Variants in KCNH8 observed in about 807,000 individuals in gnomAD.
The protein encoded by KCNH8 is voltage-gated delayed rectifier potassium channel KCNH8.
In KCNH8, 70 loss-of-function variants were observed where a neutral mutation model predicts 103.6. The observed-to-expected ratio is 0.68, with a 90% CI of 0.56 to 0.82. The LOEUF (loss-of-function observed/expected upper bound fraction) is 0.82. Ranked by LOEUF, KCNH8 falls within the 40% of genes least tolerant of loss-of-function variation. The pLI is 0.00. For missense variants in KCNH8, 1,217 were observed against 1,329.9 expected (o/e 0.92, Z 1.32); for synonymous variants, 498 against 489.4 (o/e 1.02, Z -0.23).
chr3:19,246,469 G>A (rs1175247857), intron 1 of KCNH8, among the ~76,000 whole-genome samples: 1 of 151,638 alleles, frequency 6.6e-6, no homozygotes, highest in South Asian at 2.1e-4. Flanking sequence ...TAGAGATGGG[G>A]TTTCACCATG....
intron 1 of KCNH8, among the ~76,000 whole-genome samples, chr3:19,251,130 C>G (rs2064270989): frequency 6.6e-6 from 1 of 152,084 alleles, no homozygotes; most frequent in Admixed American, 6.6e-5. Context: ...AGACTGAGAC[C>G]ACAACCCCAG....
intron 11 of KCNH8, among the ~76,000 whole-genome samples, chr3:19,505,604 C>T (rs2068676355): frequency 1.3e-5 from 2 of 152,078 alleles, no homozygotes; most frequent in Admixed American, 6.6e-5. Context: ...TTTTTTCTTA[C>T]ATTTCAACCT....
At chr3:19,325,266 A>G (rs1432950741) in intron 3 of KCNH8, among the ~76,000 whole-genome samples, 1 of 152,222 alleles carries the variant, frequency 6.6e-6, no homozygotes, top group African/African-American at 2.4e-5. Context: ...ATCCTAGGCA[A>G]TACCATTTAG....
At chr3:19,472,191 CATTCGTGT>C (rs1278483033) in intron 11 of KCNH8, among the ~76,000 whole-genome samples, 4 of 124,178 alleles carry the variant, frequency 3.2e-5, no homozygotes, top group East Asian at 4.8e-4. Context: ...TTAATCACTT[CATTCGTGT>C]GTGTGTGTGT....
chr3:19,351,948 G>C (rs962275092), intron 5 of KCNH8, among the ~76,000 whole-genome samples: 1 of 152,106 alleles, frequency 6.6e-6, no homozygotes, highest in Non-Finnish European at 1.5e-5. Flanking sequence ...TGGCAAATTG[G>C]ATAAAGAGTC....
intron 7 of KCNH8, among the ~76,000 whole-genome samples, chr3:19,415,287 C>T (rs1321225854): frequency 6.6e-6 from 1 of 151,710 alleles, no homozygotes; most frequent in Non-Finnish European, 1.5e-5. Flanking sequence ...TTCCCATTTA[C>T]AGGTAAGAAA....
At chr3:19,270,736 G>A (rs1165445495) in intron 2 of KCNH8, among the ~76,000 whole-genome samples, 1 of 152,150 alleles carries the variant, frequency 6.6e-6, no homozygotes, top group Non-Finnish European at 1.5e-5. Context: ...CACAATGGAA[G>A]AAATGTTCAG....
chr3:19,320,170 C>A (rs2065330750), intron 3 of KCNH8, among the ~76,000 whole-genome samples: 1 of 152,030 alleles, frequency 6.6e-6, no homozygotes, highest in African/African-American at 2.4e-5. Context: ...TGTCTGATTG[C>A]TCTGGCTGGG....
intron 7 of KCNH8, among the ~76,000 whole-genome samples, chr3:19,404,678 C>G (rs1253844278): frequency 6.6e-6 from 1 of 151,782 alleles, no homozygotes. Flanking sequence ...GTAATATGAA[C>G]ATTCAAAGAA....
chr3:19,527,439 T>C (rs764379290), intron 15 of KCNH8, among the ~76,000 whole-genome samples: 15 of 152,088 alleles, frequency 9.9e-5, no homozygotes, highest in Non-Finnish European at 1.6e-4. Context: ...TCTGACAAGA[T>C]ACCAGTTACA....
intron 1 of KCNH8, among the ~76,000 whole-genome samples, chr3:19,170,248 T>G (rs2063327657): frequency 6.6e-6 from 1 of 152,174 alleles, no homozygotes; most frequent in Non-Finnish European, 1.5e-5. Context: ...CGTCCTATTT[T>G]TACCCCTTTC....
chr3:19,148,543 G>A lies in KCNH8; in HGVS notation c.-177G>A. On this transcript the variant is annotated 5_prime_UTR_variant, in exon 1 of 16. Transcript: ENST00000328405. ...GGCTCCTCCTGCCACAGCCGGGGCG[G>A]CTGGAACTCTCTCCCTTTCTCCCTC... is the stretch of plus-strand genomic sequence containing the variant. The A allele has an allele frequency of 3.1e-6, 2 of 634,976 alleles. No individual in the cohort carries two copies. Among genetic ancestry groups the A allele is most frequent in the Non-Finnish European group, 5.6e-6 (2 of 354,280 alleles). The allele number at this position is 634,976 out of a possible 1,614,324, so 39.3% of individuals were successfully genotyped here.
At chr3:19,531,041 C>T (rs2069152378) in intron 15 of KCNH8, among the ~76,000 whole-genome samples, 1 of 152,188 alleles carries the variant, frequency 6.6e-6, no homozygotes, top group Non-Finnish European at 1.5e-5. Context: ...TATTGAATAA[C>T]ATAATTGCTG....
chr3:19,247,623 A>G (rs868857436), intron 1 of KCNH8, among the ~76,000 whole-genome samples: 1 of 152,228 alleles, frequency 6.6e-6, no homozygotes, highest in South Asian at 2.1e-4. Context: ...ATATGTTACT[A>G]TGAGTACTTG....
At chr3:19,452,901 C>T (rs1485213237) in intron 10 of KCNH8, among the ~76,000 whole-genome samples, 1 of 152,146 alleles carries the variant, frequency 6.6e-6, no homozygotes, top group Non-Finnish European at 1.5e-5. Flanking sequence ...ACCCTGCACT[C>T]ATATGTTTAT....
chr3:19,523,424 CAT>C (rs2069007021), intron 15 of KCNH8, among the ~76,000 whole-genome samples: 1 of 151,846 alleles, frequency 6.6e-6, no homozygotes, highest in South Asian at 2.1e-4. Context: ...CTGTTTCTAA[CAT>C]ATTGAAGAGT....
chr3:19,220,559 T>A (rs1303951186), intron 1 of KCNH8, among the ~76,000 whole-genome samples: 1 of 151,884 alleles, frequency 6.6e-6, no homozygotes, highest in Admixed American at 6.6e-5. Context: ...GAGGAAGGAC[T>A]CCCTACACAG....
chr3:19,392,121 T>TA (rs2066446007), intron 6 of KCNH8, among the ~76,000 whole-genome samples: 1 of 150,200 alleles, frequency 6.7e-6, no homozygotes, highest in African/African-American at 2.4e-5. Flanking sequence ...ATATATAACA[T>TA]ACATTTTTAT....
At chr3:19,523,101 A>C (rs75732685) in intron 15 of KCNH8, among the ~76,000 whole-genome samples, 14,410 of 151,766 alleles carry the variant, frequency 0.095, 929 homozygotes, top group African/African-American at 0.18. Context: ...ATATGAGAAG[A>C]CCATTCGTAT....
Sources: gnomAD v4.1 joint callset for allele counts (sites outside exome capture counted in the v4.1 genomes callset) on GRCh38, gnomAD v4.1.1 for gene constraint, MANE v1.5 for transcripts, NCBI Gene and HGNC (gene_info 2026-07-23, HGNC 2026-07-21) for gene names.